Variants in OR51B5 observed in about 807,000 individuals in gnomAD.
OR51B5 encodes olfactory receptor family 51 subfamily B member 5.
For missense variants in OR51B5, 456 were observed against 374.6 expected (o/e 1.22, Z -1.79); for synonymous variants, 186 against 144.8 (o/e 1.28, Z -2.04).
At chr11:5,400,754 G>A (rs1235616258) in intron 1 of OR51B5, among the ~76,000 whole-genome samples, 1 of 152,158 alleles carries the variant, frequency 6.6e-6, no homozygotes. Context: ...TTCTGAGTAG[G>A]TCTAGGACTC....
In OR51B5 at chr11:5,403,126, C is replaced by T. The variant is rs774540577; in HGVS notation, n.85-56216G>A. 1,099 of 471,342 alleles carry T rather than the reference C, an allele frequency of 2.3e-3. 17 individuals carry two copies. Among genetic ancestry groups the T allele is most frequent in the East Asian group, 9.7e-4 (14 of 14,394 alleles). 29.2% of individuals were successfully genotyped at this position (471,342 alleles called of 1,614,324 possible). Reference sequence around the variant, plus strand: ...TCTGCCCTTCTGTGGCCACAATGCCCTCTCACATTCCTATTGTCTGCACCC... The same window carrying T: ...TCTGCCCTTCTGTGGCCACAATGCCTTCTCACATTCCTATTGTCTGCACCC... On this transcript the variant is annotated intron_variant and non_coding_transcript_variant, in intron 1 of 4. Coordinates refer to the OR51B5 transcript ENST00000415970.
At chr11:5,352,184 T>G in intron 1 of OR51B5, 1 of 1,614,172 alleles carries the variant, frequency 6.2e-7, no homozygotes, top group East Asian at 2.2e-5. Flanking sequence ...GTCATGGGCA[T>G]TGGTTCTGGA....
chr11:5,479,541 G>A (rs1041852234), intron 1 of OR51B5, among the ~76,000 whole-genome samples: 143 of 150,252 alleles, frequency 9.5e-4, no homozygotes, highest in Non-Finnish European at 1.2e-4. Context: ...TGGACTAAAT[G>A]CTCCAATTAA....
At chr11:5,368,817 C>T (rs1419942797) in intron 1 of OR51B5, among the ~76,000 whole-genome samples, 1 of 151,982 alleles carries the variant, frequency 6.6e-6, no homozygotes, top group Non-Finnish European at 1.5e-5. Context: ...TCTTTTTTTC[C>T]CCCAGGGCAA....
At chr11:5,376,070 C>T (rs572199668) in intron 1 of OR51B5, among the ~76,000 whole-genome samples, 1 of 152,208 alleles carries the variant, frequency 6.6e-6, no homozygotes, top group Non-Finnish European at 1.5e-5. Flanking sequence ...AAGTAAAGCT[C>T]TCCTCAGCAA....
chr11:5,369,766 T>C (rs560917159), intron 1 of OR51B5, among the ~76,000 whole-genome samples: 1 of 152,326 alleles, frequency 6.6e-6, no homozygotes, highest in South Asian at 2.1e-4. Context: ...TAGCAAGGGC[T>C]ATGTGTAGCA....
At chr11:5,387,386 A>G (rs1376373251) in intron 1 of OR51B5, among the ~76,000 whole-genome samples, 1 of 152,218 alleles carries the variant, frequency 6.6e-6, no homozygotes, top group East Asian at 1.9e-4. Flanking sequence ...TGGGTTTTAA[A>G]AAAAACATTA....
At position 5,408,063 on chromosome 11, in the gene OR51B5, C is replaced by T. The variant is rs77205641; in HGVS notation, n.85-61153G>A. Among the ~76,000 whole-genome samples, 18 of 151,530 alleles carry T rather than the reference C, an allele frequency of 1.2e-4. No homozygotes were observed. The East Asian group carries it at 3.5e-3, about 29-fold the overall frequency. The stretch of plus-strand genomic sequence containing the variant: ...TTATGATACCTTTTTCAATTTTTCA[C>T]TGACCGTCCCTGAAGCTACATCTTA... On this transcript the variant is annotated intron_variant and non_coding_transcript_variant, in intron 1 of 4. Transcript: ENST00000415970.
At chr11:5,429,490 G>T (rs1014436750) in intron 1 of OR51B5, among the ~76,000 whole-genome samples, 1 of 152,190 alleles carries the variant, frequency 6.6e-6, no homozygotes, top group South Asian at 2.1e-4. Flanking sequence ...GAGTGCGAAT[G>T]ATCAGTGACA....
intron 1 of OR51B5, among the ~76,000 whole-genome samples, chr11:5,388,552 T>C (rs2091622193): frequency 6.8e-6 from 1 of 148,000 alleles, no homozygotes; most frequent in Non-Finnish European, 1.5e-5. Context: ...TGAGCAAGCA[T>C]ACTAGATAAA....
intron 1 of OR51B5, among the ~76,000 whole-genome samples, chr11:5,441,895 TAC>T: frequency 6.6e-6 from 1 of 152,320 alleles, no homozygotes; most frequent in Admixed American, 6.5e-5. Flanking sequence ...ACTATAAATT[TAC>T]AGATTCAATA....
At chr11:5,372,197 T>C (rs964432299) in intron 1 of OR51B5, among the ~76,000 whole-genome samples, 2 of 152,224 alleles carry the variant, frequency 1.3e-5, no homozygotes, top group Admixed American at 1.3e-4. Context: ...TGTTTCCATG[T>C]CTTGGCTATT....
Position 5,480,451 on chromosome 11 carries a change from G to T in OR51B5, n.84+25118C>A, listed in dbSNP as rs910141617. Among the ~76,000 whole-genome samples the T allele has an allele frequency of 5.8e-3, 870 of 150,854 alleles. 7 individuals are homozygous for T. The highest frequency in any genetic ancestry group is 0.019 in the African/African-American group (793 of 41,198). ...CCTAACATCACAATTAAAAGAACTA[G>T]AAAAGCAAGAGCAAACACATTCAAA... is the stretch of plus-strand genomic sequence containing the variant. On this transcript the variant is annotated intron_variant and non_coding_transcript_variant, in intron 1 of 4. Transcript: ENST00000415970.
At chr11:5,408,819 T>C (rs1286261557) in intron 1 of OR51B5, among the ~76,000 whole-genome samples, 1 of 152,172 alleles carries the variant, frequency 6.6e-6, no homozygotes, top group African/African-American at 2.4e-5. Flanking sequence ...TATGAAGTTA[T>C]CAAAGGAAAA....
intron 1 of OR51B5, among the ~76,000 whole-genome samples, chr11:5,491,767 C>T (rs1224348742): frequency 1.3e-5 from 2 of 152,146 alleles, no homozygotes; most frequent in Non-Finnish European, 1.5e-5. Flanking sequence ...GATTACCAAT[C>T]CCAGTGTACA....
At chr11:5,392,878 C>T (rs569886585) in intron 1 of OR51B5, 36 of 152,064 alleles carry the variant, frequency 2.4e-4, no homozygotes, top group African/African-American at 8.2e-4. Flanking sequence ...TGCCACTGCA[C>T]TCCAGCCTGG....
At chr11:5,358,740 C>G (rs1359649106) in intron 1 of OR51B5, among the ~76,000 whole-genome samples, 4 of 152,010 alleles carry the variant, frequency 2.6e-5, no homozygotes, top group African/African-American at 7.3e-5. Context: ...TGCAAAAAAC[C>G]TCAATAAAAT....
intron 1 of OR51B5, among the ~76,000 whole-genome samples, chr11:5,373,109 A>G (rs576149363): frequency 2.0e-5 from 3 of 152,338 alleles, no homozygotes; most frequent in South Asian, 2.1e-4. Context: ...AAAACTGGAT[A>G]TCCAAATGCA....
chr11:5,449,605 T>G (rs2133783041), intron 1 of OR51B5, among the ~76,000 whole-genome samples: 1 of 152,328 alleles, frequency 6.6e-6, no homozygotes, highest in Admixed American at 6.5e-5. Context: ...GAGTCCTTAC[T>G]TGCCATAATC....
Sources: allele counts gnomAD v4.1 joint callset (sites outside exome capture counted in the v4.1 genomes callset), GRCh38; gene constraint gnomAD v4.1.1; transcripts MANE v1.5; gene names NCBI Gene and HGNC (gene_info 2026-07-23, HGNC 2026-07-21).